The following VPS16 variants were observed in gnomAD, a reference collection of about 807,000 sequenced individuals.
VPS16 encodes the protein VPS16 core subunit of CORVET and HOPS complexes.
Under a neutral mutation model 116.0 loss-of-function variants are expected in VPS16, and 82 were observed. That is an observed-to-expected ratio of 0.71 (90% CI 0.59 to 0.85). The LOEUF is 0.85. Ranked by LOEUF, VPS16 falls within the 40% of genes least tolerant of loss-of-function variation. The probability of loss-of-function intolerance (pLI) is 0.00; values close to 1 mark genes in which losing one functional copy is unlikely to be tolerated. For missense variants in VPS16, 928 were observed against 1,090.6 expected (o/e 0.85, Z 2.10); for synonymous variants, 406 against 420.7 (o/e 0.96, Z 0.43).
At position 2,863,136 on chromosome 20, in the gene VPS16, CAG is replaced by C. The variant is rs537714689; in HGVS notation, c.1367+37_1367+38del. Reference sequence around the variant, plus strand: ...CCCAAGGGTGCAGTGAGCGGGCTGTCAGGGGGGTGGGCATTACAGCCTTGGGT... The same window carrying C: ...CCCAAGGGTGCAGTGAGCGGGCTGTCGGGGGTGGGCATTACAGCCTTGGGT... On this transcript the variant is annotated intron_variant, in intron 14 of 23. Transcript: ENST00000380445. This position sits in a 1 kb window ranked among gnomAD's most constrained non-coding sequence, Gnocchi z 4.4. 273 of 1,613,274 alleles carry C rather than the reference CAG, an allele frequency of 1.7e-4. 1 individual carries two copies. In the African/African-American group the frequency reaches 2.2e-3, roughly 13 times the overall value.
At chr20:2,848,703 A>G (rs1431022882) in intron 1 of VPS16, among the ~76,000 whole-genome samples, 1 of 152,214 alleles carries the variant, frequency 6.6e-6, no homozygotes, top group African/African-American at 2.4e-5. Flanking sequence ...TTTCTTTGCT[A>G]TGAAATGAGG....
chr20:2,865,293 G>T lies in VPS16; in HGVS notation c.2150G>T (p.Arg717Leu). ...AACAAGCGTGCAGAGCAGCTGGCAC[G>T]TGACTTCCGCATCCCTGACAAGAGG... ...GHNKRAEQLA[R>L]DFRIPDKRLW... Residue 717 changes from arginine to leucine, a missense_variant, in exon 21 of 24, where the codon CGT (arginine) becomes CTT (leucine). By Grantham distance (102) the Arg-to-Leu change is moderately radical. Transcript: ENST00000380445. This position sits in a 1 kb window ranked among gnomAD's most constrained non-coding sequence, Gnocchi z 5.2. 1 of 1,614,118 alleles carries T rather than the reference G, an allele frequency of 6.2e-7. No individual in the cohort carries two copies. The highest frequency in any genetic ancestry group is 2.2e-5 in the East Asian group (1 of 44,880).
chr20:2,846,017 A>G (rs1248364795), intron 1 of VPS16, among the ~76,000 whole-genome samples: 1 of 151,270 alleles, frequency 6.6e-6, no homozygotes, highest in East Asian at 1.9e-4. Flanking sequence ...TCATCTTTCC[A>G]TGGACACTTG....
intron 1 of VPS16, among the ~76,000 whole-genome samples, chr20:2,854,469 A>C (rs894328890): frequency 1.3e-5 from 2 of 151,900 alleles, no homozygotes; most frequent in Admixed American, 6.6e-5. Context: ...AACGAGAGAG[A>C]GAAAGAAAAA....
rs2089218394 is a variant in VPS16 at position 2,860,690 on chromosome 20, T to C, written c.515-58T>C. ...AACAGAAGCTGTGGCTAGAGACCCA[T>C]AGAAACAGAAACGGTGGGCCTTGGT... On this transcript the variant is annotated intron_variant, in intron 5 of 23. Transcript: ENST00000380445. This position sits in a 1 kb window ranked among gnomAD's most constrained non-coding sequence, Gnocchi z 6.1. The C allele has an allele frequency of 3.7e-6, 6 of 1,611,556 alleles. No homozygotes were observed. The African/African-American group carries it at 6.7e-5, about 18-fold the overall frequency.
In VPS16 at chr20:2,865,257, T is replaced by C; in HGVS notation, c.2114T>C (p.Leu705Pro). The change falls in exon 21 of 24, where the codon CTT becomes CCT. Residue 705 changes from leucine to proline, a missense_variant. Transcript: ENST00000380445. This position sits in a 1 kb window ranked among gnomAD's most constrained non-coding sequence, Gnocchi z 5.2. ...CATGACACAGTTACCACCCTCATTC[T>C]TGGCGGTCACAACAAGCGTGCAGAG... ...SLHDTVTTLI[L>P]GGHNKRAEQL... The C allele has an allele frequency of 6.2e-7, 1 of 1,614,238 alleles. No individual in the cohort carries two copies.
chr20:2,846,663 A>T (rs944075273), intron 1 of VPS16, among the ~76,000 whole-genome samples: 4 of 152,124 alleles, frequency 2.6e-5, no homozygotes, highest in African/African-American at 9.7e-5. Flanking sequence ...ACCCCAAGGC[A>T]ACCAGATTAT....
intron 10 of VPS16, 45 bp from the exon 11 acceptor site, chr20:2,862,009 G>A (rs1309761362): frequency 6.2e-7 from 1 of 1,609,570 alleles, no homozygotes; most frequent in Non-Finnish European, 8.5e-7. Context: ...GCAGGGCTGA[G>A]GGTTTCCCTG....
chr20:2,840,857 C>T, intron 1 of VPS16, 30 bp downstream of exon 1: 2 of 1,540,992 alleles, frequency 1.3e-6, no homozygotes, highest in South Asian at 2.4e-5. Context: ...CGCCCACGGC[C>T]TGGCTTACCC....
intron 1 of VPS16, among the ~76,000 whole-genome samples, chr20:2,844,550 TGCCATCATAGAGCTTACAGCCA>T (rs750741321): frequency 5.9e-5 from 9 of 152,234 alleles, no homozygotes; most frequent in Non-Finnish European, 1.0e-4. Flanking sequence ...GAGTTCTGCC[TGCCATCATAGAGCTTACAGCCA>T]GCAGGCGAGA....
chr20:2,866,602 G>A lies in VPS16; in HGVS notation c.*28G>A. On this transcript the variant is annotated 3_prime_UTR_variant, in exon 24 of 24. Transcript: ENST00000380445. ...AGTCCATCCTGTACATCTCAAGCAA[G>A]GGGTTCCTCCCCTAGCACCTGGGCT... 1.2e-6 allele frequency: 2 copies of A among 1,612,214 alleles called. No individual in the cohort carries two copies. The highest frequency in any genetic ancestry group is 3.6e-4 in the Middle Eastern group (2 of 5,576).
Position 2,865,293 on chromosome 20 carries a change from G to A in VPS16, c.2150G>A (p.Arg717His). The change falls in exon 21 of 24, where the codon CGT (arginine) becomes CAT (histidine). Residue 717 changes from arginine to histidine, a missense_variant. Coordinates refer to ENST00000380445, the MANE Select transcript of VPS16 (RefSeq NM_022575.4). The surrounding 1 kb of genome is among the most constrained non-coding windows in gnomAD (Gnocchi z 5.2). ...GHNKRAEQLA[R>H]DFRIPDKRLW... ...AACAAGCGTGCAGAGCAGCTGGCAC[G>A]TGACTTCCGCATCCCTGACAAGAGG... The A allele has an allele frequency of 2.5e-6, 4 of 1,614,114 alleles. No homozygotes were observed. Among genetic ancestry groups the A allele is most frequent in the East Asian group, 2.2e-5 (1 of 44,880 alleles).
At position 2,863,050 on chromosome 20, in the gene VPS16, C is replaced by T; in HGVS notation, c.1332-15C>T. 6.2e-7 allele frequency: 1 copy of T among 1,614,056 alleles called. No individual in the cohort carries two copies. The highest frequency in any genetic ancestry group is 8.5e-7 in the Non-Finnish European group (1 of 1,180,026). ...GCTTATTCTCCAACTGGATCCTTAA[C>T]CGAGGAAAATACAGATATAAGCAGC... On this transcript the variant is annotated splice_polypyrimidine_tract_variant and intron_variant, in intron 13 of 23. Coordinates refer to ENST00000380445, the MANE Select transcript of VPS16 (RefSeq NM_022575.4). This position sits in a 1 kb window ranked among gnomAD's most constrained non-coding sequence, Gnocchi z 4.4.
At chr20:2,845,733 C>T (rs1291065441) in intron 1 of VPS16, among the ~76,000 whole-genome samples, 2 of 152,076 alleles carry the variant, frequency 1.3e-5, no homozygotes, top group African/African-American at 4.8e-5. Context: ...TTTCATCTTG[C>T]AAAACTGAAA....
At chr20:2,850,038 T>C (rs1177247697) in intron 1 of VPS16, among the ~76,000 whole-genome samples, 1 of 152,212 alleles carries the variant, frequency 6.6e-6, no homozygotes, top group Non-Finnish European at 1.5e-5. Context: ...TAAAGAATTA[T>C]TGGCCTGGTG....
chr20:2,859,674 ATGCAGGGTAATGAGGC>A, intron 1 of VPS16, 29 bp from the exon 2 acceptor site: 5 of 1,598,318 alleles, frequency 3.1e-6, no homozygotes, highest in Non-Finnish European at 4.3e-6. Flanking sequence ...CTCCATACGG[ATGCAGGGTAATGAGGC>A]TAATTTCTGC....
At chr20:2,852,933 G>A (rs2089136041) in intron 1 of VPS16, among the ~76,000 whole-genome samples, 1 of 152,148 alleles carries the variant, frequency 6.6e-6, no homozygotes, top group South Asian at 2.1e-4. Flanking sequence ...AGATTTCTCA[G>A]TAGCATGCAA....
chr20:2,862,662 G>A lies in VPS16; in HGVS notation c.1155G>A (p.Glu385=), dbSNP rs778039548. 1 of 1,613,180 alleles carries A rather than the reference G, an allele frequency of 6.2e-7. No individual in the cohort carries two copies. Among genetic ancestry groups the A allele is most frequent in the Non-Finnish European group, 8.5e-7 (1 of 1,179,934 alleles). ...QLTQAVQQCI[E]AAGHEHQPDM... is the part of the protein sequence containing the mutation. ...CCCAGGCCGTGCAGCAGTGCATTGA[G>A]GCTGCAGGACATGAGCACCAGCCAG... The change falls in exon 12 of 24, where the codon GAG becomes GAA. Residue 385 remains glutamate (E), a synonymous_variant. Coordinates refer to ENST00000380445, the MANE Select transcript of VPS16 (RefSeq NM_022575.4).
chr20:2,864,406 G>A lies in VPS16; in HGVS notation c.1762G>A (p.Gly588Arg). 1 of 1,614,202 alleles carries A rather than the reference G, an allele frequency of 6.2e-7. No homozygotes were observed. Among genetic ancestry groups the A allele is most frequent in the Non-Finnish European group, 8.5e-7 (1 of 1,180,044 alleles). Residue 588 changes from glycine (G) to arginine (R), a missense_variant, in exon 18 of 24, where the codon GGA becomes AGA. Coordinates refer to ENST00000380445, the MANE Select transcript of VPS16 (RefSeq NM_022575.4). This position sits in a 1 kb window ranked among gnomAD's most constrained non-coding sequence, Gnocchi z 5.2. ...LLHLKNELNRGDFFMTLRNQP... is the reference protein window; with the variant it reads ...LLHLKNELNRRDFFMTLRNQP... ...GCACCTGAAGAACGAGCTGAACCGA[G>A]GAGATTTTTTCATGACCCTTCGGAA... is the stretch of plus-strand genomic sequence containing the variant.
Sources: allele counts gnomAD v4.1 joint callset (sites outside exome capture counted in the v4.1 genomes callset), GRCh38; gene constraint gnomAD v4.1.1; non-coding constraint Gnocchi (gnomAD v3.1); transcripts MANE v1.5; gene names NCBI Gene and HGNC (gene_info 2026-07-23, HGNC 2026-07-21).